UGT2B7: variants seen among roughly 807,000 people sequenced by gnomAD.
The protein encoded by UGT2B7 is UDP glucuronosyltransferase family 2 member B7.
UGT2B7 carries 51 observed loss-of-function variants against 51.9 expected under a neutral mutation model. The ratio of observed to expected loss-of-function variants is 0.98; its 90% CI spans 0.78 to 1.24. UGT2B7 has a LOEUF of 1.24. Ranked by LOEUF, UGT2B7 falls within the 50% of genes most tolerant of loss-of-function variation. The pLI is 0.00. For missense variants in UGT2B7, 727 were observed against 628.4 expected (o/e 1.16, Z -1.68); for synonymous variants, 225 against 211.6 (o/e 1.06, Z -0.55).
chr4:69,066,730 A>G (rs1718490534), intron 1 of UGT2B7, among the ~76,000 whole-genome samples: 1 of 152,140 alleles, frequency 6.6e-6, no homozygotes, highest in African/African-American at 2.4e-5. Flanking sequence ...CTTTATTTCA[A>G]GTGTAGTTAC....
Position 69,098,630 on chromosome 4 carries a change from T to C in UGT2B7, c.812T>C (p.Leu271Ser). Residue 271 changes from leucine (L) to serine (S), a missense_variant, in exon 2 of 6, where the codon TTA becomes TCA. Transcript: ENST00000305231. ...AATTTTCAGTTTCCATATCCACTCTTACCAAATGTTGATTTTGTTGGAGGA... is the reference window on the plus strand; with the variant it reads ...AATTTTCAGTTTCCATATCCACTCTCACCAAATGTTGATTTTGTTGGAGGA... The part of the protein sequence containing the change: ...SWNFQFPYPL[L>S]PNVDFVGGLH... The C allele has an allele frequency of 2.5e-6, 4 of 1,612,824 alleles. No homozygotes were observed. Among genetic ancestry groups the C allele is most frequent in the Non-Finnish European group, 3.4e-6 (4 of 1,179,154 alleles).
chr4:69,065,297 G>T (rs7660744), intron 1 of UGT2B7, among the ~76,000 whole-genome samples: 27,920 of 151,992 alleles, frequency 0.18, 2,738 homozygotes, highest in East Asian at 0.4. Flanking sequence ...AAACCAAACT[G>T]CCTTGGTGGA....
chr4:69,099,508 G>A (rs1425469720), intron 2 of UGT2B7, among the ~76,000 whole-genome samples: 1 of 151,946 alleles, frequency 6.6e-6, no homozygotes, highest in Non-Finnish European at 1.5e-5. Flanking sequence ...TTAAATTGCA[G>A]GAGGGCCAGA....
intron 1 of UGT2B7, among the ~76,000 whole-genome samples, chr4:69,074,029 C>T (rs550603083): frequency 6.6e-6 from 1 of 152,214 alleles, no homozygotes; most frequent in African/African-American, 2.4e-5. Flanking sequence ...CATCTCTGAA[C>T]ATTTGAATCA....
chr4:69,074,587 C>T (rs1377335097), intron 1 of UGT2B7, among the ~76,000 whole-genome samples: 4 of 151,818 alleles, frequency 2.6e-5, no homozygotes, highest in Admixed American at 2.6e-4. Context: ...TCTGCAACAT[C>T]CCTCATATTC....
chr4:69,103,949 A>G (rs6600885), intron 3 of UGT2B7, among the ~76,000 whole-genome samples: 89,982 of 151,968 alleles, frequency 0.59, 28,017 homozygotes, highest in African/African-American at 0.77. Context: ...AACACATGTG[A>G]GGAGTAGGGG....
intron 1 of UGT2B7, among the ~76,000 whole-genome samples, chr4:69,077,577 T>C (rs1486387987): frequency 1.5e-5 from 2 of 136,108 alleles, no homozygotes; most frequent in African/African-American, 6.0e-5. Flanking sequence ...ATGATTTGGC[T>C]CTCTTTTTTT....
chr4:69,058,085 G>C (rs372692072), intron 1 of UGT2B7, among the ~76,000 whole-genome samples: 3 of 152,328 alleles, frequency 2.0e-5, no homozygotes, highest in Admixed American at 2.0e-4. Flanking sequence ...CAAAGACAAA[G>C]TGAAAACAGA....
intron 1 of UGT2B7, among the ~76,000 whole-genome samples, chr4:69,084,768 T>G (rs1259664842): frequency 6.6e-6 from 1 of 152,168 alleles, no homozygotes; most frequent in Non-Finnish European, 1.5e-5. Context: ...GTTTCCAGCT[T>G]GGTCTGTGTC....
intron 1 of UGT2B7, among the ~76,000 whole-genome samples, chr4:69,081,049 A>G (rs1423810640): frequency 6.6e-6 from 1 of 152,210 alleles, no homozygotes. Context: ...ATGAGTCTCC[A>G]AGGAAGTTAT....
At chr4:69,107,459 A>G (rs1056623557) in intron 4 of UGT2B7, among the ~76,000 whole-genome samples, 197 bp downstream of exon 4, 5 of 152,166 alleles carry the variant, frequency 3.3e-5, no homozygotes, top group African/African-American at 1.2e-4. Context: ...CACATTCTTT[A>G]TAGTCTGAAT....
intron 1 of UGT2B7, among the ~76,000 whole-genome samples, chr4:69,075,924 C>G (rs1718692798): frequency 1.3e-5 from 2 of 151,980 alleles, no homozygotes; most frequent in Admixed American, 1.3e-4. Flanking sequence ...TGCTATTCCA[C>G]CCCTAGCCCC....
intron 1 of UGT2B7, among the ~76,000 whole-genome samples, chr4:69,071,492 C>T (rs1718600060): frequency 6.6e-6 from 1 of 152,028 alleles, no homozygotes; most frequent in Admixed American, 6.6e-5. Context: ...CCTTTGGACT[C>T]AGAACAAGGT....
intron 1 of UGT2B7, among the ~76,000 whole-genome samples, chr4:69,086,659 G>A (rs1420489288): frequency 6.6e-6 from 1 of 151,850 alleles, no homozygotes; most frequent in African/African-American, 2.4e-5. Context: ...GGATGTTCCA[G>A]TGTTATGACC....
chr4:69,055,345 CAA>C (rs544890954), intron 1 of UGT2B7, among the ~76,000 whole-genome samples: 14 of 135,962 alleles, frequency 1.0e-4, no homozygotes, highest in Non-Finnish European at 1.6e-4. Flanking sequence ...TGTTTGACTC[CAA>C]AAAAAAAAAA....
At chr4:69,107,142 T>C in intron 3 of UGT2B7, 33 bp from the exon 4 acceptor site, 1 of 1,590,268 alleles carries the variant, frequency 6.3e-7, no homozygotes, top group East Asian at 2.2e-5. Context: ...TGAATTCCAC[T>C]CATGGAATAA....
In UGT2B7 at chr4:69,091,300, G is replaced by T. The variant is rs1719079218; in HGVS notation, c.-27+1697G>T. 3.3e-5 allele frequency among the ~76,000 whole-genome samples: 5 copies of T among 152,088 alleles called. No individual in the cohort carries two copies. The South Asian group carries it at 1.0e-3, about 32-fold the overall frequency. On this transcript the variant is annotated intron_variant, in intron 2 of 5. Transcript: ENST00000502942. ...ATAGGTGAAGCAATGTAAAATATTTGTTTTCCAAAACCACCTTGTACCTTT... is the reference window on the plus strand; with the variant it reads ...ATAGGTGAAGCAATGTAAAATATTTTTTTTCCAAAACCACCTTGTACCTTT...
upstream of UGT2B7, among the ~76,000 whole-genome samples, chr4:69,094,771 G>T (rs982135222): frequency 2.0e-5 from 3 of 152,202 alleles, no homozygotes; most frequent in Non-Finnish European, 4.4e-5. Flanking sequence ...ATGCAATGCT[G>T]TCAGATAGCA....
At position 69,104,908 on chromosome 4, in the gene UGT2B7, A is replaced by G. The variant is rs149814946; in HGVS notation, c.1002+1970A>G. Reference sequence around the variant, plus strand: ...ATCCAGCCTCTTGTACTTCCTGTACATTTTGGAAGAGGTGTATCTGAGTAA... The same window carrying G: ...ATCCAGCCTCTTGTACTTCCTGTACGTTTTGGAAGAGGTGTATCTGAGTAA... On this transcript the variant is annotated intron_variant, in intron 3 of 5. Transcript: ENST00000305231. 1.1e-4 allele frequency among the ~76,000 whole-genome samples: 17 copies of G among 152,308 alleles called. No homozygotes were observed. In the East Asian group the frequency reaches 3.3e-3, roughly 29 times the overall value.
Sources: gnomAD v4.1 joint callset for allele counts (sites outside exome capture counted in the v4.1 genomes callset) on GRCh38, gnomAD v4.1.1 for gene constraint, MANE v1.5 for transcripts, NCBI Gene and HGNC (gene_info 2026-07-23, HGNC 2026-07-21) for gene names.